Variants in TBL1XR1 observed in about 807,000 individuals in gnomAD.
TBL1XR1 encodes F-box-like/WD repeat-containing protein TBL1XR1.
A neutral mutation model predicts 66.9 loss-of-function variants in TBL1XR1; 5 were observed. That is an observed-to-expected ratio of 0.07 (90% confidence interval 0.04 to 0.16). TBL1XR1 has a LOEUF of 0.16. Among genes scored for constraint, TBL1XR1 ranks in the 10% least tolerant of loss-of-function variants. The pLI, the probability that TBL1XR1 is intolerant of heterozygous loss-of-function variation, is 1.00. For missense variants in TBL1XR1, 238 were observed against 623.2 expected, an observed-to-expected ratio of 0.38 and a Z score of 6.58; for synonymous variants, 210 against 206.0, an observed-to-expected ratio of 1.02 and a Z score of -0.17.
rs187218766 is a variant in TBL1XR1 at position 177,185,160 on chromosome 3, A to T, written c.-122+11961T>A. Among the ~76,000 whole-genome samples, 472 of 152,318 alleles carry T rather than the reference A, an allele frequency of 3.1e-3. 2 individuals are homozygous for T. Among genetic ancestry groups the T allele is most frequent in the Non-Finnish European group, 5.2e-3 (351 of 68,024 alleles). On this transcript the variant is annotated intron_variant, in intron 1 of 15. Coordinates refer to ENST00000457928, the MANE Select transcript of TBL1XR1 (RefSeq NM_024665.7). ...AAGTCTCTCTGACATCTGACTACAT[A>T]ATCTACCTACCCCAACAGCATTGTT...
chr3:177,067,958 T>TA (rs1200872508), intron 2 of TBL1XR1, among the ~76,000 whole-genome samples: 1 of 152,204 alleles, frequency 6.6e-6, no homozygotes, highest in Non-Finnish European at 1.5e-5. Flanking sequence ...CAAGAAGACT[T>TA]ACCACTATAG....
intron 1 of TBL1XR1, among the ~76,000 whole-genome samples, chr3:177,168,906 G>A (rs982581233): frequency 1.3e-5 from 2 of 152,134 alleles, no homozygotes; most frequent in Non-Finnish European, 2.9e-5. Flanking sequence ...GATTTGGAGA[G>A]GGGGAAACAA....
rs1228935080 is a variant in TBL1XR1 at position 177,099,254 on chromosome 3, C to G, written c.-121-713G>C. Among the ~76,000 whole-genome samples, 3 of 152,132 alleles carry G rather than the reference C, an allele frequency of 2.0e-5. No individual in the cohort carries two copies. The East Asian group carries it at 5.8e-4, about 29-fold the overall frequency. ...TGGTGGCGGGCACCTGTAATCCCAG[C>G]TACTTGGGAGGCTGAGGCAAGAGAA... is the stretch of plus-strand genomic sequence containing the variant. On this transcript the variant is annotated intron_variant, in intron 1 of 15. Coordinates refer to ENST00000457928, the MANE Select transcript of TBL1XR1 (RefSeq NM_024665.7).
intron 7 of TBL1XR1, 137 bp downstream of exon 7, chr3:177,049,860 G>C (rs747822720): frequency 2.2e-6 from 2 of 924,920 alleles, no homozygotes; most frequent in Non-Finnish European, 3.2e-6. Flanking sequence ...GGCTGGCAGG[G>C]GACGACTCCC....
At chr3:177,126,781 CAAT>C (rs1457954321) in intron 1 of TBL1XR1, among the ~76,000 whole-genome samples, 3 of 148,016 alleles carry the variant, frequency 2.0e-5, no homozygotes, top group African/African-American at 7.5e-5. Flanking sequence ...TAATTAAAAT[CAAT>C]ATATCCTTGA....
At chr3:177,032,907 T>A (rs1052929848) in intron 14 of TBL1XR1, 64 bp downstream of exon 14, 1 of 1,326,514 alleles carries the variant, frequency 7.5e-7, no homozygotes, top group Non-Finnish European at 9.9e-7. Context: ...TGAGGCAGAG[T>A]GTATAGGCAA....
At chr3:177,118,366 A>T (rs1726565443) in intron 1 of TBL1XR1, among the ~76,000 whole-genome samples, 1 of 152,228 alleles carries the variant, frequency 6.6e-6, no homozygotes, top group Non-Finnish European at 1.5e-5. Flanking sequence ...CATTGAGCCT[A>T]ATGACTCAAA....
intron 1 of TBL1XR1, among the ~76,000 whole-genome samples, chr3:177,109,449 G>GT (rs1725291391): frequency 6.6e-6 from 1 of 152,106 alleles, no homozygotes; most frequent in African/African-American, 2.4e-5. Flanking sequence ...TGGGATGATT[G>GT]TAAGATTTGT....
intron 1 of TBL1XR1, among the ~76,000 whole-genome samples, chr3:177,115,428 C>T (rs1726189249): frequency 6.6e-6 from 1 of 152,130 alleles, no homozygotes; most frequent in Non-Finnish European, 1.5e-5. Context: ...GGCACAAAAA[C>T]ACTAGTCATT....
At chr3:177,048,781 T>C (rs1309931220) in intron 7 of TBL1XR1, among the ~76,000 whole-genome samples, 1 of 152,238 alleles carries the variant, frequency 6.6e-6, no homozygotes, top group Non-Finnish European at 1.5e-5. Flanking sequence ...AACACATTTT[T>C]TAAAAGCCCA....
At chr3:177,082,973 T>C (rs913869635) in intron 2 of TBL1XR1, among the ~76,000 whole-genome samples, 1 of 151,442 alleles carries the variant, frequency 6.6e-6, no homozygotes, top group Admixed American at 6.6e-5. Flanking sequence ...TTAGCCAGGA[T>C]GGTCTCGATC....
intron 1 of TBL1XR1, among the ~76,000 whole-genome samples, chr3:177,104,109 C>CG (rs1358523467): frequency 7.9e-6 from 1 of 125,804 alleles, no homozygotes; most frequent in Non-Finnish European, 1.6e-5. Flanking sequence ...GAGCGAGACT[C>CG]GGTCTCCAAA....
intron 3 of TBL1XR1, 101 bp from the exon 4 acceptor site, chr3:177,054,019 A>T: frequency 7.8e-7 from 1 of 1,286,160 alleles, no homozygotes. Flanking sequence ...ATCCCATCCT[A>T]CCCATTTAAA....
intron 1 of TBL1XR1, among the ~76,000 whole-genome samples, chr3:177,194,741 C>T (rs943333659): frequency 1.3e-5 from 2 of 152,154 alleles, no homozygotes; most frequent in African/African-American, 4.8e-5. Flanking sequence ...AAGCAGTTAC[C>T]TCTAATTCTT....
intron 5 of TBL1XR1, 137 bp from the exon 6 acceptor site, chr3:177,050,747 A>T (rs1263468706): frequency 1.2e-6 from 1 of 839,608 alleles, no homozygotes; most frequent in Non-Finnish European, 1.8e-6. Context: ...GTTAAGCTGA[A>T]CATGACTACA....
intron 1 of TBL1XR1, among the ~76,000 whole-genome samples, chr3:177,152,229 C>T (rs1177864677): frequency 6.6e-6 from 1 of 152,136 alleles, no homozygotes; most frequent in Non-Finnish European, 1.5e-5. Flanking sequence ...TTTTAAGTTG[C>T]TACATTCACT....
intron 2 of TBL1XR1, among the ~76,000 whole-genome samples, chr3:177,066,098 T>C (rs1719128401): frequency 6.6e-6 from 1 of 152,116 alleles, no homozygotes; most frequent in African/African-American, 2.4e-5. Context: ...ATATCTAACG[T>C]GGAACTATGC....
intron 2 of TBL1XR1, among the ~76,000 whole-genome samples, chr3:177,081,810 G>A (rs1019358654): frequency 8.6e-5 from 13 of 150,686 alleles, no homozygotes; most frequent in Non-Finnish European, 1.5e-5. Context: ...ACAATTAATA[G>A]TATTGTCTTT....
chr3:177,155,613 GAGAA>G (rs990975227), intron 1 of TBL1XR1, among the ~76,000 whole-genome samples: 2 of 152,152 alleles, frequency 1.3e-5, no homozygotes, highest in Non-Finnish European at 1.5e-5. Flanking sequence ...CTTTCAAAAG[GAGAA>G]AGATAGTTTT....
Sources: gnomAD v4.1 joint callset for allele counts (sites outside exome capture counted in the v4.1 genomes callset) on GRCh38, gnomAD v4.1.1 for gene constraint, MANE v1.5 for transcripts, NCBI Gene and HGNC (gene_info 2026-07-23, HGNC 2026-07-21) for gene names.